The following MMRN1 variants were observed in gnomAD, a reference collection of about 807,000 sequenced individuals.
The protein encoded by MMRN1 is multimerin 1, also known as multimerin-1.
Under a neutral mutation model 100.7 loss-of-function variants are expected in MMRN1, and 94 were observed. That is an observed-to-expected ratio of 0.93 (90% confidence interval 0.79 to 1.11). MMRN1 has a LOEUF of 1.11. Among genes scored for constraint, MMRN1 ranks in the 50% least tolerant of loss-of-function variants. MMRN1 has a pLI of 0.00. For synonymous variants in MMRN1, 575 were observed against 505.0 expected, an observed-to-expected ratio of 1.14 and a Z score of -1.86; for missense variants, 1,606 against 1,439.1, an observed-to-expected ratio of 1.12 and a Z score of -1.88.
At chr4:89,902,899 T>C (rs114884773) in intron 1 of MMRN1, among the ~76,000 whole-genome samples, 2 of 151,918 alleles carry the variant, frequency 1.3e-5, no homozygotes, top group African/African-American at 4.8e-5. Context: ...GAATACTATA[T>C]AAAATTTTGT....
chr4:89,917,475 A>G (rs577849746), intron 3 of MMRN1, among the ~76,000 whole-genome samples: 1 of 152,008 alleles, frequency 6.6e-6, no homozygotes, highest in East Asian at 1.9e-4. Context: ...TTGTATATAA[A>G]TCAAAAATTA....
chr4:89,931,335 C>T (rs1324849264), intron 5 of MMRN1, among the ~76,000 whole-genome samples: 1 of 152,106 alleles, frequency 6.6e-6, no homozygotes, highest in Non-Finnish European at 1.5e-5. Flanking sequence ...GTAAGTCCCT[C>T]ATGTATGTTA....
Position 89,936,647 on chromosome 4 carries a change from G to T in MMRN1, c.2967G>T (p.Ser989=). The change falls in exon 6 of 8, where the codon TCG becomes TCT. Residue 989 remains serine (S), a synonymous_variant. Transcript: ENST00000264790. The stretch of plus-strand genomic sequence containing the variant: ...ATTTAACTTGTTGTATAGATCGATC[G>T]TTGCCTGGTAGTCTGGCAAATGTTG... ...LSNLTCCIDR[S]LPGSLANVVK... 1 of 1,613,422 alleles carries T rather than the reference G, an allele frequency of 6.2e-7. No individual in the cohort carries two copies.
upstream of MMRN1, chr4:89,894,824 C>T: frequency 4.6e-5 from 63 of 1,380,562 alleles, 1 homozygote; most frequent in Non-Finnish European, 6.0e-5. Flanking sequence ...CCTGAGTACG[C>T]TACAAAACAC....
chr4:89,936,588 A>G lies in MMRN1; in HGVS notation c.2908A>G (p.Ile970Val), dbSNP rs1471236785. ...AGGTCTAACAGAATTTGTGGAACCA[A>G]TAATTCAAATAAAAACTCAAGCTGC... The part of the protein sequence containing the change: ...QKGLTEFVEP[I>V]IQIKTQAALS... The change falls in exon 6 of 8, where the codon ATA (isoleucine) becomes GTA (valine). Residue 970 changes from isoleucine (I) to valine (V), a missense_variant. Ile to Val is a conservative substitution (Grantham distance 29). Transcript: ENST00000264790. 3.1e-6 allele frequency: 5 copies of G among 1,611,774 alleles called. No individual in the cohort carries two copies. Among genetic ancestry groups the G allele is most frequent in the Non-Finnish European group, 4.2e-6 (5 of 1,179,266 alleles).
chr4:89,940,630 A>G (rs930026683), intron 6 of MMRN1, among the ~76,000 whole-genome samples: 2 of 152,162 alleles, frequency 1.3e-5, no homozygotes, highest in African/African-American at 2.4e-5. Flanking sequence ...ATTTATTTGT[A>G]ATAAGTCATT....
Position 89,927,819 on chromosome 4 carries a change from A to T in MMRN1, c.980A>T (p.Gln327Leu). Residue 327 changes from glutamine (Q) to leucine (L), a missense_variant, in exon 5 of 8, where the codon CAG becomes CTG. Physicochemically the swap from Gln to Leu is moderately radical, Grantham distance 113. Coordinates refer to ENST00000264790, the MANE Select transcript of MMRN1 (RefSeq NM_007351.3). ...DPEVMQKMTD[Q>L]VNYQAMKLTL... ...GAAGTGATGCAAAAAATGACTGATCAGGTGAACTACCAGGCAATGAAACTG... is the reference window on the plus strand; with the variant it reads ...GAAGTGATGCAAAAAATGACTGATCTGGTGAACTACCAGGCAATGAAACTG... The T allele has an allele frequency of 6.2e-7, 1 of 1,611,216 alleles. No homozygotes were observed. Among genetic ancestry groups the T allele is most frequent in the Non-Finnish European group, 8.5e-7 (1 of 1,178,972 alleles).
intron 6 of MMRN1, among the ~76,000 whole-genome samples, chr4:89,947,551 A>G (rs1327288518): frequency 2.0e-5 from 3 of 152,156 alleles, no homozygotes; most frequent in Non-Finnish European, 4.4e-5. Flanking sequence ...GAAAGCTCAT[A>G]CTCTTGTTGG....
chr4:89,894,961 A>G lies in MMRN1; in HGVS notation c.-11A>G. ...AATTTCACATGAGCTACCTTGCTTCAAACTACTGAGATGAAGGGGGCAAGA... is the reference window on the plus strand; with the variant it reads ...AATTTCACATGAGCTACCTTGCTTCGAACTACTGAGATGAAGGGGGCAAGA... On this transcript the variant is annotated 5_prime_UTR_variant, in exon 1 of 8. Transcript: ENST00000264790. 1 of 1,594,988 alleles carries G rather than the reference A, an allele frequency of 6.3e-7. No individual in the cohort carries two copies. The highest frequency in any genetic ancestry group is 8.5e-7 in the Non-Finnish European group (1 of 1,170,302).
chr4:89,900,599 G>A (rs560242143), intron 1 of MMRN1, among the ~76,000 whole-genome samples: 10 of 151,632 alleles, frequency 6.6e-5, no homozygotes, highest in South Asian at 2.1e-4. Context: ...ATGTCTTTCC[G>A]CAATACATCC....
rs1453384500 is a variant in MMRN1 at position 89,935,723 on chromosome 4, G to C, written c.2043G>C (p.Leu681=). ...AIVIRKKIEN[L]TSAVNSLNFI... ...TGATAAGGAAAAAGATAGAAAATCT[G>C]ACTAGTGCTGTCAATAGTCTAAATT... Residue 681 remains leucine (L), a synonymous_variant, in exon 6 of 8, where the codon CTG becomes CTC. Transcript: ENST00000264790. 1 of 1,611,610 alleles carries C rather than the reference G, an allele frequency of 6.2e-7. No individual in the cohort carries two copies. Among genetic ancestry groups the C allele is most frequent in the South Asian group, 1.1e-5 (1 of 90,446 alleles).
intron 1 of MMRN1, among the ~76,000 whole-genome samples, chr4:89,895,923 T>C (rs941689027): frequency 4.6e-5 from 7 of 152,158 alleles, no homozygotes; most frequent in Non-Finnish European, 8.8e-5. Context: ...GTTGATTGTG[T>C]TCCCAACCAT....
chr4:89,925,850 GT>G (rs1262206735), intron 4 of MMRN1, among the ~76,000 whole-genome samples: 1 of 152,044 alleles, frequency 6.6e-6, no homozygotes, highest in African/African-American at 2.4e-5. Context: ...GAGTTCAATT[GT>G]TTTGATGTTT....
intron 6 of MMRN1, among the ~76,000 whole-genome samples, chr4:89,941,814 C>T (rs1240590574): frequency 1.3e-5 from 2 of 152,124 alleles, no homozygotes; most frequent in East Asian, 3.9e-4. Flanking sequence ...GTTAGGAGGC[C>T]TGTCTGCTGG....
rs144862006 is a variant in MMRN1, at chr4:89,911,351, A to G, written c.744-593A>G. 4.2e-4 allele frequency among the ~76,000 whole-genome samples: 63 copies of G among 151,426 alleles called. No individual in the cohort carries two copies. The East Asian group carries it at 9.5e-3, about 23-fold the overall frequency. ...CATCTTAAAAATAAAATTTCCTCATATTACATCCCTTCTCTCTCTCTGTCC... is the reference window on the plus strand; with the variant it reads ...CATCTTAAAAATAAAATTTCCTCATGTTACATCCCTTCTCTCTCTCTGTCC... On this transcript the variant is annotated intron_variant, in intron 2 of 7. Coordinates refer to ENST00000264790, the MANE Select transcript of MMRN1 (RefSeq NM_007351.3).
intron 6 of MMRN1, among the ~76,000 whole-genome samples, chr4:89,946,911 A>G (rs1311653515): frequency 1.3e-5 from 2 of 152,162 alleles, no homozygotes; most frequent in Admixed American, 1.3e-4. Context: ...ACTGATCTCC[A>G]TTAAAAAAAA....
intron 6 of MMRN1, among the ~76,000 whole-genome samples, chr4:89,939,583 C>T (rs566401863): frequency 2.1e-4 from 32 of 152,186 alleles, no homozygotes; most frequent in African/African-American, 6.7e-4. Context: ...GAGACATTAA[C>T]TAAAGTATCC....
At chr4:89,915,012 T>A (rs1169277838) in intron 3 of MMRN1, among the ~76,000 whole-genome samples, 2 of 151,602 alleles carry the variant, frequency 1.3e-5, no homozygotes, top group East Asian at 3.9e-4. Context: ...ATATTATGAA[T>A]GCTGACAAAA....
chr4:89,903,111 A>C (rs1300784356), intron 1 of MMRN1, among the ~76,000 whole-genome samples: 1 of 151,884 alleles, frequency 6.6e-6, no homozygotes, highest in East Asian at 1.9e-4. Flanking sequence ...TCTTTTCACT[A>C]AGTGTAAATT....
Sources: gnomAD v4.1 joint callset for allele counts (sites outside exome capture counted in the v4.1 genomes callset) on GRCh38, gnomAD v4.1.1 for gene constraint, MANE v1.5 for transcripts, NCBI Gene and HGNC (gene_info 2026-07-23, HGNC 2026-07-21) for gene names.